Variants in PRKCB observed in about 807,000 individuals in gnomAD.
PRKCB encodes the protein protein kinase C beta.
A neutral mutation model predicts 81.5 loss-of-function variants in PRKCB; 13 were observed. The observed-to-expected ratio is 0.16, with a 90% CI of 0.10 to 0.25. The LOEUF is 0.25. PRKCB is among the 10% of genes least tolerant of loss of function. PRKCB has a pLI of 1.00. For missense variants in PRKCB, 509 were observed against 875.7 expected (o/e 0.58, Z 5.29); for synonymous variants, 335 against 321.4 (o/e 1.04, Z -0.45).
intron 2 of PRKCB, among the ~76,000 whole-genome samples, chr16:23,890,003 A>T (rs981479274): frequency 7.9e-5 from 12 of 152,216 alleles, no homozygotes; most frequent in Non-Finnish European, 1.6e-4. Context: ...CATGAGAAAA[A>T]GGACTTATTC....
At chr16:24,018,301 A>G (rs568361460) in intron 3 of PRKCB, among the ~76,000 whole-genome samples, 1 of 152,110 alleles carries the variant, frequency 6.6e-6, no homozygotes, top group African/African-American at 2.4e-5. Flanking sequence ...TCCTCCCACC[A>G]TGGCCTCCCA....
chr16:24,085,085 G>A (rs749283447), intron 5 of PRKCB, among the ~76,000 whole-genome samples: 10 of 149,672 alleles, frequency 6.7e-5, no homozygotes, highest in South Asian at 2.2e-4. Flanking sequence ...AAGTAAAACC[G>A]TAGCAATGCA....
Position 23,882,066 on chromosome 16 carries a change from C to T in PRKCB, c.205+44660C>T, listed in dbSNP as rs568584696. On this transcript the variant is annotated intron_variant, in intron 2 of 16. Transcript: ENST00000643927. ...CCTTCCTTCCTTCCTTCTTCCTTTC[C>T]TTTCTTTCTTTCCTTTTTTTTTTTT... is the stretch of plus-strand genomic sequence containing the variant. 1.8e-4 allele frequency among the ~76,000 whole-genome samples: 13 copies of T among 72,504 alleles called. 1 individual carries two copies. In the East Asian group the frequency reaches 6.3e-3, roughly 35 times the overall value. 47.6% of individuals were successfully genotyped at this position (72,504 alleles called of 152,430 possible).
chr16:23,972,468 T>G (rs1280332073), intron 2 of PRKCB, among the ~76,000 whole-genome samples: 1 of 152,226 alleles, frequency 6.6e-6, no homozygotes, highest in Non-Finnish European at 1.5e-5. Context: ...TCCTTTTAAC[T>G]AGAGACAACC....
chr16:24,118,931 C>T (rs1277634090), intron 8 of PRKCB, among the ~76,000 whole-genome samples: 1 of 152,080 alleles, frequency 6.6e-6, no homozygotes, highest in Non-Finnish European at 1.5e-5. Flanking sequence ...GCCACAAACC[C>T]AGGTGTTTTC....
chr16:24,040,347 C>T (rs553557003), intron 5 of PRKCB, among the ~76,000 whole-genome samples: 1 of 152,256 alleles, frequency 6.6e-6, no homozygotes, highest in Admixed American at 6.5e-5. Context: ...GACATCTGTG[C>T]GTTCTGTTTA....
intron 5 of PRKCB, among the ~76,000 whole-genome samples, chr16:24,085,772 G>A (rs1271504092): frequency 6.6e-6 from 1 of 152,190 alleles, no homozygotes; most frequent in Non-Finnish European, 1.5e-5. Flanking sequence ...TGACTCTGAG[G>A]TCTAGCCATT....
At chr16:24,090,424 A>T (rs577492800) in intron 5 of PRKCB, among the ~76,000 whole-genome samples, 1 of 152,306 alleles carries the variant, frequency 6.6e-6, no homozygotes, top group Admixed American at 6.5e-5. Flanking sequence ...AGCAATGGTC[A>T]GCTGTTTGAG....
chr16:23,837,995 G>A (rs1280553343), intron 2 of PRKCB, among the ~76,000 whole-genome samples: 1 of 152,180 alleles, frequency 6.6e-6, no homozygotes, highest in African/African-American at 2.4e-5. Flanking sequence ...GGTCTCCAGG[G>A]CACTGGTTAC....
intron 8 of PRKCB, among the ~76,000 whole-genome samples, chr16:24,121,849 C>A (rs1966801833): frequency 6.6e-6 from 1 of 152,200 alleles, no homozygotes; most frequent in South Asian, 2.1e-4. Flanking sequence ...TGTGATACAT[C>A]ATTTCATGTC....
intron 2 of PRKCB, among the ~76,000 whole-genome samples, chr16:23,961,746 G>A (rs1301937481): frequency 6.6e-6 from 1 of 152,026 alleles, no homozygotes; most frequent in African/African-American, 2.4e-5. Context: ...TTACTTGCCA[G>A]TTGAGCATCC....
At chr16:24,160,336 T>C (rs1293913374) in intron 10 of PRKCB, among the ~76,000 whole-genome samples, 1 of 152,176 alleles carries the variant, frequency 6.6e-6, no homozygotes, top group East Asian at 1.9e-4. Context: ...GCCATTGTTA[T>C]CATGACTAAA....
intron 10 of PRKCB, among the ~76,000 whole-genome samples, chr16:24,171,186 C>A (rs1030215764): frequency 3.3e-5 from 5 of 152,192 alleles, no homozygotes; most frequent in African/African-American, 1.2e-4. Context: ...AAGGAAGCTG[C>A]ACTCAGATTG....
intron 9 of PRKCB, among the ~76,000 whole-genome samples, chr16:24,132,327 A>T (rs1272407822): frequency 6.6e-6 from 1 of 152,228 alleles, no homozygotes; most frequent in African/African-American, 2.4e-5. Flanking sequence ...TGGAATCCAT[A>T]CATTATTCTG....
At chr16:23,952,403 C>T (rs1407984561) in intron 2 of PRKCB, among the ~76,000 whole-genome samples, 1 of 152,128 alleles carries the variant, frequency 6.6e-6, no homozygotes, top group Non-Finnish European at 1.5e-5. Context: ...TATGTGTGAA[C>T]AAGGCTTTAA....
Position 24,214,698 on chromosome 16 carries a change from G to A in PRKCB, c.1904G>A (p.Arg635His), listed in dbSNP as rs1459995996. 3 of 1,613,864 alleles carry A rather than the reference G, an allele frequency of 1.9e-6. No individual in the cohort carries two copies. Among genetic ancestry groups the A allele is most frequent in the East Asian group, 2.2e-5 (1 of 44,868 alleles). Residue 635 changes from arginine (R) to histidine (H), a missense_variant, in exon 17 of 17, where the codon CGC becomes CAC. By Grantham distance (29) the Arg-to-His change is conservative. Around this residue, in one of 6 missense-constraint regions of PRKCB, gnomAD observed 104 missense variants for 160.5 expected, o/e 0.65. Transcript: ENST00000643927. ...NAENFDRFFTRHPPVLTPPDQ... is the reference protein window; with the variant it reads ...NAENFDRFFTHHPPVLTPPDQ... ...GAAAACTTCGACCGATTTTTCACCCGCCATCCACCAGTCCTAACACCTCCC... is the reference window on the plus strand; with the variant it reads ...GAAAACTTCGACCGATTTTTCACCCACCATCCACCAGTCCTAACACCTCCC...
At chr16:23,891,516 TGAG>T (rs147406540) in intron 2 of PRKCB, among the ~76,000 whole-genome samples, 1,731 of 152,282 alleles carry the variant, frequency 0.011, 38 homozygotes, top group African/African-American at 0.039. Flanking sequence ...AATACATAAA[TGAG>T]GGGCAGGGGC....
At chr16:23,855,394 C>T (rs1180026432) in intron 2 of PRKCB, among the ~76,000 whole-genome samples, 1 of 152,024 alleles carries the variant, frequency 6.6e-6, no homozygotes, top group African/African-American at 2.4e-5. Flanking sequence ...GCCTACCTCC[C>T]AGAGTTCTAT....
chr16:24,030,456 A>T (rs1374895626), intron 3 of PRKCB, among the ~76,000 whole-genome samples: 1 of 152,166 alleles, frequency 6.6e-6, no homozygotes, highest in African/African-American at 2.4e-5. Flanking sequence ...TGGAAAGCTT[A>T]TGCTGCTTGC....
Sources: gnomAD v4.1 joint callset for allele counts (sites outside exome capture counted in the v4.1 genomes callset) on GRCh38, gnomAD v4.1.1 for gene constraint, gnomAD v4.1.1 regional missense constraint, MANE v1.5 for transcripts, NCBI Gene and HGNC (gene_info 2026-07-23, HGNC 2026-07-21) for gene names.